TNFSF11: variants seen among roughly 807,000 people sequenced by gnomAD.
TNFSF11 encodes the protein TNF superfamily member 11.
In TNFSF11, 12 loss-of-function variants were observed where a neutral mutation model predicts 32.2. The ratio of observed to expected loss-of-function variants is 0.37; its 90% confidence interval spans 0.24 to 0.60. The LOEUF (loss-of-function observed/expected upper bound fraction) is 0.60, where lower values mean the gene tolerates loss of function less well. TNFSF11 is among the 20% of genes least tolerant of loss of function. The pLI is 0.66. For synonymous variants in TNFSF11, 172 were observed against 152.1 expected, an observed-to-expected ratio of 1.13 and a Z score of -0.96; for missense variants, 345 against 398.0, an observed-to-expected ratio of 0.87 and a Z score of 1.13.
At chr13:42,581,382 G>T in intron 2 of TNFSF11, 89 bp downstream of exon 2, 1 of 1,394,606 alleles carries the variant, frequency 7.2e-7, no homozygotes, top group South Asian at 1.2e-5. Context: ...TGTTGACTCT[G>T]CTCTTTTTAT....
intron 4 of TNFSF11, among the ~76,000 whole-genome samples, chr13:42,606,206 C>T (rs934695481): frequency 3.9e-5 from 6 of 152,224 alleles, no homozygotes; most frequent in Non-Finnish European, 7.3e-5. Flanking sequence ...TATTGTTACT[C>T]ATGCCTTACT....
intron 2 of TNFSF11, among the ~76,000 whole-genome samples, chr13:42,588,640 C>T (rs1414543457): frequency 6.6e-6 from 1 of 152,112 alleles, no homozygotes; most frequent in African/African-American, 2.4e-5. Flanking sequence ...GTTTCCAAAC[C>T]TCCTGGATCT....
chr13:42,567,609 C>G (rs745687941), intron 2 of TNFSF11, among the ~76,000 whole-genome samples: 4 of 152,110 alleles, frequency 2.6e-5, no homozygotes, highest in African/African-American at 9.7e-5. Flanking sequence ...ATTAAAAAAA[C>G]CCACCTGAGT....
chr13:42,576,954 T>G (rs1478926925), intron 1 of TNFSF11, among the ~76,000 whole-genome samples: 1 of 152,252 alleles, frequency 6.6e-6, no homozygotes, highest in East Asian at 1.9e-4. Context: ...TTCAAAGTCT[T>G]AGCTAAGAGA....
intron 1 of TNFSF11, among the ~76,000 whole-genome samples, chr13:42,579,010 G>T (rs543510708): frequency 6.6e-6 from 1 of 152,212 alleles, no homozygotes; most frequent in Non-Finnish European, 1.5e-5. Context: ...ATATTCTCAG[G>T]CAGTATGCCA....
At chr13:42,593,784 T>G (rs551802344) in intron 2 of TNFSF11, among the ~76,000 whole-genome samples, 13 of 152,344 alleles carry the variant, frequency 8.5e-5, no homozygotes, top group African/African-American at 3.1e-4. Flanking sequence ...GGGTGTTAAA[T>G]CCTTGTTCAA....
chr13:42,592,021 T>C (rs1644291319), intron 2 of TNFSF11, among the ~76,000 whole-genome samples: 1 of 152,146 alleles, frequency 6.6e-6, no homozygotes, highest in Non-Finnish European at 1.5e-5. Flanking sequence ...GGGAAGAATA[T>C]TAGGGGATTT....
intron 1 of TNFSF11, among the ~76,000 whole-genome samples, chr13:42,564,515 C>G (rs111857422): frequency 5.3e-5 from 8 of 151,278 alleles, no homozygotes; most frequent in African/African-American, 1.9e-4. Flanking sequence ...TGCGGTGAGC[C>G]GAGATCGCAC....
intron 2 of TNFSF11, among the ~76,000 whole-genome samples, chr13:42,582,168 C>A: frequency 6.6e-6 from 1 of 152,160 alleles, no homozygotes; most frequent in Non-Finnish European, 1.5e-5. Flanking sequence ...AAAGCCCTTA[C>A]CTCTAAATTT....
chr13:42,594,279 G>C (rs996375496), intron 2 of TNFSF11, among the ~76,000 whole-genome samples: 1 of 151,928 alleles, frequency 6.6e-6, no homozygotes, highest in African/African-American at 2.4e-5. Flanking sequence ...ACGAGGTTTT[G>C]CTGTATTGGC....
Position 42,606,738 on chromosome 13 carries a change from A to G in TNFSF11, c.774A>G (p.Gly258=), listed in dbSNP as rs200017370. 14 of 1,614,238 alleles carry G rather than the reference A, an allele frequency of 8.7e-6. No individual in the cohort carries two copies. The highest frequency in any genetic ancestry group is 1.2e-5 in the Non-Finnish European group (14 of 1,180,048). Residue 258 remains glycine (G), a synonymous_variant, in exon 5 of 5, where the codon GGA becomes GGG. Coordinates refer to ENST00000398795, the MANE Select transcript of TNFSF11 (RefSeq NM_003701.4). ...KIPSSHTLMK[G]GSTKYWSGNS... ...CAAGTTCTCATACCCTGATGAAAGG[A>G]GGAAGCACCAAGTATTGGTCAGGGA...
Position 42,581,165 on chromosome 13 carries a change from A to G in TNFSF11, c.259A>G (p.Ile87Val), listed in dbSNP as rs1217046950. ...NRISEDGTHC[I>V]YRILRLHENA... The stretch of plus-strand genomic sequence containing the variant: ...AATATCAGAAGATGGCACTCACTGC[A>G]TTTATAGAATTTTGAGACTCCATGA... Residue 87 changes from isoleucine to valine, a missense_variant, in exon 2 of 5, where the codon ATT (isoleucine) becomes GTT (valine). Physicochemically the swap from Ile to Val is conservative, Grantham distance 29 (BLOSUM62 3). Coordinates refer to ENST00000398795, the MANE Select transcript of TNFSF11 (RefSeq NM_003701.4). The G allele has an allele frequency of 1.5e-5, 24 of 1,614,024 alleles. No individual in the cohort carries two copies. Among genetic ancestry groups the G allele is most frequent in the South Asian group, 3.3e-5 (3 of 91,088 alleles).
At chr13:42,562,756 C>G (rs201422947) in exon 1 of TNFSF11, 1 of 152,126 alleles carries the variant, frequency 6.6e-6, no homozygotes, top group Non-Finnish European at 1.5e-5. Flanking sequence ...ATGGTGTGGC[C>G]GAAGCTGCCT....
chr13:42,585,369 A>G (rs1301012188), intron 2 of TNFSF11, among the ~76,000 whole-genome samples: 2 of 152,218 alleles, frequency 1.3e-5, no homozygotes, highest in Non-Finnish European at 2.9e-5. Flanking sequence ...TAAGCACAAT[A>G]TCACATTATA....
chr13:42,565,321 A>G (rs1872833343), intron 1 of TNFSF11, among the ~76,000 whole-genome samples: 1 of 152,148 alleles, frequency 6.6e-6, no homozygotes, highest in South Asian at 2.1e-4. Flanking sequence ...TAATAAATAA[A>G]GCAGTTTACT....
At chr13:42,585,312 A>G (rs1452128474) in intron 2 of TNFSF11, among the ~76,000 whole-genome samples, 1 of 152,216 alleles carries the variant, frequency 6.6e-6, no homozygotes, top group Non-Finnish European at 1.5e-5. Flanking sequence ...TGTGGCTGCA[A>G]TCATTATTGG....
intron 1 of TNFSF11, among the ~76,000 whole-genome samples, chr13:42,565,280 G>GTC (rs1872831413): frequency 6.6e-6 from 1 of 151,088 alleles, no homozygotes; most frequent in Non-Finnish European, 1.5e-5. Context: ...TATGGTTATG[G>GTC]TAATGCCATG....
upstream of TNFSF11, chr13:42,571,613 C>G (rs1873071339): frequency 6.6e-6 from 1 of 152,196 alleles, no homozygotes; most frequent in Admixed American, 6.5e-5. Context: ...CAGTGATCCT[C>G]ACGCCTCGGC....
intron 2 of TNFSF11, among the ~76,000 whole-genome samples, chr13:42,587,770 G>T (rs554862513): frequency 3.4e-4 from 51 of 152,226 alleles, no homozygotes; most frequent in Non-Finnish European, 5.3e-4. Flanking sequence ...TCTACATATG[G>T]GAAACAGATC....
Sources: allele counts gnomAD v4.1 joint callset (sites outside exome capture counted in the v4.1 genomes callset), GRCh38; gene constraint gnomAD v4.1.1; transcripts MANE v1.5; gene names NCBI Gene and HGNC (gene_info 2026-07-23, HGNC 2026-07-21).